ADCY5: variants seen among roughly 807,000 people sequenced by gnomAD.
ADCY5 encodes the protein adenylate cyclase 5.
ADCY5 carries 30 observed loss-of-function variants against 119.7 expected under a neutral mutation model. The ratio of observed to expected loss-of-function variants is 0.25; its 90% confidence interval spans 0.19 to 0.34. The LOEUF is 0.34. Ranked by LOEUF, ADCY5 falls within the 10% of genes least tolerant of loss-of-function variation. The pLI is 1.00. For synonymous variants in ADCY5, 753 were observed against 762.2 expected, an observed-to-expected ratio of 0.99 and a Z score of 0.20; for missense variants, 1,324 against 1,775.2, an observed-to-expected ratio of 0.75 and a Z score of 4.57.
Position 123,359,500 on chromosome 3 carries a change from C to T in ADCY5, c.1135-6919G>A, listed in dbSNP as rs186715975. On this transcript the variant is annotated intron_variant, in intron 1 of 20. Coordinates refer to ENST00000462833, the MANE Select transcript of ADCY5 (RefSeq NM_183357.3). ...CTCCCCAAGCTCCTGCCCACTCTTC[C>T]CTACTCCCTCTTCCAGATCTTCCTC... Among the ~76,000 whole-genome samples the T allele has an allele frequency of 2.2e-3, 330 of 151,690 alleles. 1 individual carries two copies. Among genetic ancestry groups the T allele is most frequent in the African/African-American group, 6.8e-3 (281 of 41,272 alleles).
intron 1 of ADCY5, among the ~76,000 whole-genome samples, chr3:123,444,920 G>T (rs1040036012): frequency 6.6e-6 from 1 of 152,246 alleles, no homozygotes; most frequent in African/African-American, 2.4e-5. Context: ...CATGCCTGCT[G>T]TTCTGGAGTA....
chr3:123,310,141 C>T (rs1200453938), intron 12 of ADCY5, among the ~76,000 whole-genome samples: 1 of 151,044 alleles, frequency 6.6e-6, no homozygotes, highest in Non-Finnish European at 1.5e-5. Flanking sequence ...CACACACACA[C>T]ACACACACAG....
At chr3:123,419,256 C>T (rs889635601) in intron 1 of ADCY5, 4 of 977,372 alleles carry the variant, frequency 4.1e-6, no homozygotes, top group Non-Finnish European at 3.6e-6. Flanking sequence ...CCTCCACGCG[C>T]CCCCACAGGC....
chr3:123,344,693 T>C (rs1188774447), intron 3 of ADCY5, among the ~76,000 whole-genome samples: 1 of 152,178 alleles, frequency 6.6e-6, no homozygotes, highest in Admixed American at 6.5e-5. Context: ...TTTTAAACTA[T>C]GATGTCACCC....
chr3:123,418,416 A>C (rs922748081), intron 1 of ADCY5, among the ~76,000 whole-genome samples: 2 of 152,252 alleles, frequency 1.3e-5, no homozygotes, highest in Non-Finnish European at 2.9e-5. Context: ...TATTTAGCTC[A>C]TGCTTCTGCA....
At chr3:123,396,885 C>T (rs1944612190) in intron 1 of ADCY5, among the ~76,000 whole-genome samples, 1 of 151,082 alleles carries the variant, frequency 6.6e-6, no homozygotes, top group South Asian at 2.1e-4. Context: ...ACGGGCCCTG[C>T]TTTCTGTAGC....
At position 123,348,036 on chromosome 3, in the gene ADCY5, A is replaced by T. The variant is rs906882290; in HGVS notation, c.1285-133T>A. 1.3e-3 allele frequency: 608 copies of T among 468,708 alleles called. 3 individuals carry two copies. Among genetic ancestry groups the T allele is most frequent in the African/African-American group, 3.9e-3 (144 of 37,386 alleles). 29.0% of individuals were successfully genotyped at this position (468,708 alleles called of 1,614,324 possible). A position where few individuals can be genotyped will look rare whatever the true frequency, so the allele number is the denominator to read the frequency against. ...GCTCTCCCGGGACTCCTGGGTTAACAGTGTGTGTGTGTGTGTGTGTGTGTG... is the reference window on the plus strand; with the variant it reads ...GCTCTCCCGGGACTCCTGGGTTAACTGTGTGTGTGTGTGTGTGTGTGTGTG... On this transcript the variant is annotated intron_variant, in intron 2 of 20. Transcript: ENST00000462833.
intron 1 of ADCY5, among the ~76,000 whole-genome samples, chr3:123,437,461 C>A (rs1295842092): frequency 1.3e-5 from 2 of 152,178 alleles, no homozygotes; most frequent in African/African-American, 4.8e-5. Context: ...CCATCTGTCA[C>A]AAGCTTGCTG....
chr3:123,316,473 G>T (rs569611486), intron 11 of ADCY5, among the ~76,000 whole-genome samples: 16 of 152,314 alleles, frequency 1.1e-4, no homozygotes, highest in African/African-American at 3.8e-4. Flanking sequence ...TCCCGGTTTT[G>T]ATCATTATAT....
At chr3:123,373,758 GCCCCCCCC>G (rs150511526) in intron 1 of ADCY5, among the ~76,000 whole-genome samples, 1 of 37,074 alleles carries the variant, frequency 2.7e-5, no homozygotes, top group Non-Finnish European at 6.7e-5. Flanking sequence ...GAAGCATCAC[GCCCCCCCC>G]CCCCCGACCC....
chr3:123,447,823 G>C lies in ADCY5; in HGVS notation c.723C>G (p.Ser241Arg), dbSNP rs756717187. The C allele has an allele frequency of 6.2e-7, 1 of 1,612,866 alleles. No homozygotes were observed. Among genetic ancestry groups the C allele is most frequent in the South Asian group, 1.1e-5 (1 of 91,082 alleles). The change falls in exon 1 of 21, where the codon AGC becomes AGG. Residue 241 changes from serine to arginine, a missense_variant. By Grantham distance (110) the Ser-to-Arg change is moderately radical. Transcript: ENST00000462833. ...QRYFFRLNQS[S>R]LTMLMAVLVL... ...CCAGCACGGCCATGAGCATGGTGAG[G>C]CTGCTCTGGTTCAGGCGGAAGAAGT...
intron 1 of ADCY5, among the ~76,000 whole-genome samples, chr3:123,371,104 C>T (rs931161181): frequency 6.6e-6 from 1 of 152,136 alleles, no homozygotes. Flanking sequence ...TAACAAACAG[C>T]GGCCCAGAGG....
chr3:123,335,403 AT>A (rs1181611606), intron 3 of ADCY5, among the ~76,000 whole-genome samples: 1 of 152,136 alleles, frequency 6.6e-6, no homozygotes, highest in Non-Finnish European at 1.5e-5. Context: ...GTCAGACACT[AT>A]TTTAAGCTCA....
intron 11 of ADCY5, among the ~76,000 whole-genome samples, chr3:123,316,978 T>G (rs947101607): frequency 4.6e-5 from 7 of 152,214 alleles, no homozygotes; most frequent in African/African-American, 1.7e-4. Context: ...TCTGTGCATT[T>G]GAGGAATTAC....
At position 123,314,325 on chromosome 3, in the gene ADCY5, G is replaced by A. The variant is rs546977933; in HGVS notation, c.2355-3C>T. On this transcript the variant is annotated splice_region_variant and splice_polypyrimidine_tract_variant and intron_variant, in intron 11 of 20. Transcript: ENST00000462833. ...AGAAGCTGAGCATGAATATGGAGCT[G>A]GAAGGAGAGAGGAGGGGAGGGAGAA... The A allele has an allele frequency of 6.2e-7, 1 of 1,609,986 alleles. No homozygotes were observed. Among genetic ancestry groups the A allele is most frequent in the Non-Finnish European group, 8.5e-7 (1 of 1,176,934 alleles).
At chr3:123,356,564 C>T (rs968720087) in intron 1 of ADCY5, among the ~76,000 whole-genome samples, 2 of 152,134 alleles carry the variant, frequency 1.3e-5, no homozygotes, top group Admixed American at 1.3e-4. Flanking sequence ...ACAAAATTAA[C>T]TCACAATGGT....
chr3:123,377,212 T>C (rs928865982), intron 1 of ADCY5, among the ~76,000 whole-genome samples: 1 of 152,198 alleles, frequency 6.6e-6, no homozygotes, highest in East Asian at 1.9e-4. Flanking sequence ...TCCAAGTCTC[T>C]TGGAATAAAA....
At chr3:123,285,437 G>A (rs1938675344) in intron 20 of ADCY5, among the ~76,000 whole-genome samples, 2 of 150,098 alleles carry the variant, frequency 1.3e-5, no homozygotes, top group East Asian at 3.9e-4. Context: ...AGAGAAGAGT[G>A]GTGGGGACAG....
chr3:123,344,293 T>C (rs1352800815), intron 3 of ADCY5, among the ~76,000 whole-genome samples: 6 of 152,218 alleles, frequency 3.9e-5, no homozygotes, highest in Non-Finnish European at 7.3e-5. Flanking sequence ...TGCAGAGAAT[T>C]GATGAATGTG....
Sources: allele counts gnomAD v4.1 joint callset (sites outside exome capture counted in the v4.1 genomes callset), GRCh38; gene constraint gnomAD v4.1.1; transcripts MANE v1.5; gene names NCBI Gene and HGNC (gene_info 2026-07-23, HGNC 2026-07-21).